GULP1: variants seen among roughly 807,000 people sequenced by gnomAD.
GULP1 encodes PTB domain-containing engulfment adapter protein 1.
Under a neutral mutation model 40.9 loss-of-function variants are expected in GULP1, and 19 were observed. The ratio of observed to expected loss-of-function variants is 0.46; its 90% CI spans 0.32 to 0.68. The LOEUF (loss-of-function observed/expected upper bound fraction) is 0.68. GULP1 is among the 30% of genes least tolerant of loss of function. The pLI is 0.03. For missense variants in GULP1, 312 were observed against 362.2 expected (o/e 0.86, Z 1.12); for synonymous variants, 119 against 117.6 (o/e 1.01, Z -0.08).
rs188002837 is a variant in GULP1 at position 188,579,556 on chromosome 2, T to C, written c.610-4709T>C. ...GTTGGGAACAGCTAGTTCTATACTTTAAAAGACCCATGTGATCTAAACAAA... is the reference window on the plus strand; with the variant it reads ...GTTGGGAACAGCTAGTTCTATACTTCAAAAGACCCATGTGATCTAAACAAA... On this transcript the variant is annotated intron_variant, in intron 9 of 11. Transcript: ENST00000409830. 4.5e-3 allele frequency among the ~76,000 whole-genome samples: 679 copies of C among 152,204 alleles called. 8 individuals carry two copies. The highest frequency in any genetic ancestry group is 0.016 in the African/African-American group (648 of 41,542).
chr2:188,523,912 C>T (rs1234993690), intron 5 of GULP1, among the ~76,000 whole-genome samples: 1 of 152,168 alleles, frequency 6.6e-6, no homozygotes, highest in Non-Finnish European at 1.5e-5. Flanking sequence ...GATAATATCA[C>T]TCCCATTTGG....
At chr2:188,410,831 G>A (rs1341191657) in intron 2 of GULP1, among the ~76,000 whole-genome samples, 1 of 152,168 alleles carries the variant, frequency 6.6e-6, no homozygotes, top group Non-Finnish European at 1.5e-5. Flanking sequence ...AATAGGCACA[G>A]ACCTTCATGG....
At chr2:188,455,892 G>A (rs1247153056) in intron 2 of GULP1, among the ~76,000 whole-genome samples, 1 of 152,208 alleles carries the variant, frequency 6.6e-6, no homozygotes, top group Non-Finnish European at 1.5e-5. Context: ...GGCTGAGTTG[G>A]TCTCAGGTGA....
rs149240108 is a variant in GULP1, at chr2:188,498,113, T to A, written c.90+14621T>A. On this transcript the variant is annotated intron_variant, in intron 4 of 11. Transcript: ENST00000409830. ...AGATTTCCTAAAGAGCCAGTAGAAA[T>A]TATCTTAGTGTTTCAGGTGAGGTGG... Among the ~76,000 whole-genome samples, 687 of 152,036 alleles carry A rather than the reference T, an allele frequency of 4.5e-3. 8 individuals are homozygous for A. The highest frequency in any genetic ancestry group is 0.016 in the African/African-American group (661 of 41,534).
chr2:188,327,927 A>G (rs2040990365), intron 1 of GULP1, among the ~76,000 whole-genome samples: 1 of 152,142 alleles, frequency 6.6e-6, no homozygotes, highest in African/African-American at 2.4e-5. Flanking sequence ...TGGTAAAGAA[A>G]TATCTCCCAG....
At chr2:188,566,962 G>A (rs747546590) in intron 7 of GULP1, among the ~76,000 whole-genome samples, 67 of 151,756 alleles carry the variant, frequency 4.4e-4, no homozygotes, top group Non-Finnish European at 1.3e-4. Flanking sequence ...ATCACAAAGC[G>A]GGCAAAGGAT....
At chr2:188,384,440 C>G (rs2049403965) in intron 2 of GULP1, 1 of 152,178 alleles carries the variant, frequency 6.6e-6, no homozygotes, top group Admixed American at 6.5e-5. Flanking sequence ...GTTCCTGCCA[C>G]AACATGTGGG....
Position 188,404,063 on chromosome 2 carries a change from G to A in GULP1, c.-45+20174G>A, listed in dbSNP as rs532563517. Reference sequence around the variant, plus strand: ...CACTGAGATAGCAAGAGTTAATAAAGTAAGTAGAGTGCAATATATATGTAA... The same window carrying A: ...CACTGAGATAGCAAGAGTTAATAAAATAAGTAGAGTGCAATATATATGTAA... On this transcript the variant is annotated intron_variant, in intron 2 of 11. Coordinates refer to ENST00000409830, the MANE Select transcript of GULP1 (RefSeq NM_016315.4). Among the ~76,000 whole-genome samples the A allele has an allele frequency of 5.3e-5, 8 of 152,194 alleles. No individual in the cohort carries two copies. The South Asian group carries it at 6.2e-4, about 12-fold the overall frequency.
chr2:188,541,345 G>C, intron 7 of GULP1, 27 bp downstream of exon 7: 1 of 1,600,488 alleles, frequency 6.2e-7, no homozygotes, highest in South Asian at 1.1e-5. Context: ...TTGTAGGGTG[G>C]TTTGTTCTGT....
At chr2:188,308,041 GC>G (rs2106271945) in intron 1 of GULP1, among the ~76,000 whole-genome samples, 2 of 152,350 alleles carry the variant, frequency 1.3e-5, no homozygotes, top group East Asian at 3.9e-4. Flanking sequence ...TGCCAGTCCT[GC>G]CCCTGGGCTT....
rs117579285 is a variant in GULP1, at chr2:188,296,330, T to G, written c.-172+4164T>G. 5.9e-5 allele frequency among the ~76,000 whole-genome samples: 9 copies of G among 152,176 alleles called. No individual in the cohort carries two copies. The East Asian group carries it at 1.7e-3, about 29-fold the overall frequency. ...ATGGCTAAAAGTCATTGTTCCAGAGTAAGACTTAGAAAACAATGCTTATAC... is the reference window on the plus strand; with the variant it reads ...ATGGCTAAAAGTCATTGTTCCAGAGGAAGACTTAGAAAACAATGCTTATAC... On this transcript the variant is annotated intron_variant, in intron 1 of 11. Coordinates refer to ENST00000409830, the MANE Select transcript of GULP1 (RefSeq NM_016315.4).
intron 6 of GULP1, among the ~76,000 whole-genome samples, chr2:188,529,743 C>T (rs577662075): frequency 7.2e-4 from 110 of 152,162 alleles, no homozygotes; most frequent in African/African-American, 2.6e-3. Flanking sequence ...GAGGGCTGCC[C>T]TCTTGCTGCC....
chr2:188,383,538 C>T (rs571500082), intron 1 of GULP1, among the ~76,000 whole-genome samples: 46 of 152,324 alleles, frequency 3.0e-4, no homozygotes, highest in Admixed American at 1.0e-3. Flanking sequence ...AAACATTTAA[C>T]ACATCATCTA....
intron 2 of GULP1, among the ~76,000 whole-genome samples, chr2:188,399,489 G>A (rs1324841953): frequency 6.6e-6 from 1 of 151,906 alleles, no homozygotes; most frequent in East Asian, 1.9e-4. Context: ...GAACCAAGAC[G>A]GAGGGCGAAT....
rs1188249552 is a variant in GULP1 at position 188,594,844 on chromosome 2, C to G, written c.*833C>G. 6.6e-6 allele frequency: 1 copy of G among 151,576 alleles called. No homozygotes were observed. The highest frequency in any genetic ancestry group is 2.4e-5 in the African/African-American group (1 of 41,362). The allele number at this position is 151,576 out of a possible 1,614,324, so 9.4% of individuals were successfully genotyped here. A position where few individuals can be genotyped will look rare whatever the true frequency, so the allele number is the denominator to read the frequency against. ...ATCTATAGATTCAGTATCTACTACC[C>G]ATATTTACTTTACCAAATATATTTC... On this transcript the variant is annotated 3_prime_UTR_variant, in exon 12 of 12. Transcript: ENST00000409830.
chr2:188,454,712 A>C (rs538880332), intron 2 of GULP1, among the ~76,000 whole-genome samples: 22 of 152,370 alleles, frequency 1.4e-4, no homozygotes, highest in Admixed American at 7.8e-4. Flanking sequence ...GTACAAATGA[A>C]TAAAGAGGAT....
At chr2:188,542,196 T>C (rs1477397717) in intron 7 of GULP1, 1 of 152,068 alleles carries the variant, frequency 6.6e-6, no homozygotes, top group African/African-American at 2.4e-5. Flanking sequence ...AGTTCTTTAA[T>C]CATCTGGAAT....
At chr2:188,558,001 A>G (rs1296214947) in intron 7 of GULP1, among the ~76,000 whole-genome samples, 2 of 152,160 alleles carry the variant, frequency 1.3e-5, no homozygotes, top group Non-Finnish European at 1.5e-5. Context: ...GGAAGCCTGC[A>G]ATGGGAGGGT....
chr2:188,538,488 A>G (rs1471099767), intron 6 of GULP1, among the ~76,000 whole-genome samples: 4 of 152,168 alleles, frequency 2.6e-5, no homozygotes, highest in Non-Finnish European at 5.9e-5. Flanking sequence ...TATATTGCAT[A>G]TTAATATAGA....
Sources: gnomAD v4.1 joint callset for allele counts (sites outside exome capture counted in the v4.1 genomes callset) on GRCh38, gnomAD v4.1.1 for gene constraint, MANE v1.5 for transcripts, NCBI Gene and HGNC (gene_info 2026-07-23, HGNC 2026-07-21) for gene names.